The following MRC1 variants were observed in gnomAD, a reference collection of about 807,000 sequenced individuals.
MRC1 encodes the protein mannose receptor C-type 1, also known as macrophage mannose receptor 1.
A neutral mutation model predicts 102.9 loss-of-function variants in MRC1; 62 were observed. That is an observed-to-expected ratio of 0.60 (90% CI 0.49 to 0.74). MRC1 has a LOEUF of 0.74. Among genes scored for constraint, MRC1 ranks in the 30% least tolerant of loss-of-function variants. The probability of loss-of-function intolerance (pLI) is 0.00; values close to 1 mark genes in which losing one functional copy is unlikely to be tolerated. For synonymous variants in MRC1, 457 were observed against 298.4 expected (o/e 1.53, Z -5.48); for missense variants, 1,237 against 862.8 (o/e 1.43, Z -5.43).
chr10:17,834,764 A>G (rs1173226625), intron 4 of MRC1, among the ~76,000 whole-genome samples: 2 of 152,234 alleles, frequency 1.3e-5, no homozygotes, highest in African/African-American at 4.8e-5. Context: ...GAAGACTAAA[A>G]GGGCTAAAGT....
intron 25 of MRC1, among the ~76,000 whole-genome samples, chr10:17,901,745 G>A (rs1038209568): frequency 6.6e-4 from 100 of 152,162 alleles, no homozygotes; most frequent in African/African-American, 2.3e-3. Flanking sequence ...TTAACTATGA[G>A]TGTAACTGAC....
intron 28 of MRC1, among the ~76,000 whole-genome samples, chr10:17,908,769 A>T (rs1218594765): frequency 2.6e-5 from 4 of 151,962 alleles, no homozygotes; most frequent in African/African-American, 9.7e-5. Flanking sequence ...GGGTTTCACT[A>T]TGTTGGCCAG....
At chr10:17,898,524 A>G (rs1833785861) in intron 24 of MRC1, among the ~76,000 whole-genome samples, 1 of 152,248 alleles carries the variant, frequency 6.6e-6, no homozygotes, top group South Asian at 2.1e-4. Context: ...TTAGACTATG[A>G]AAATTATATT....
At chr10:17,810,027 T>A (rs1487772150) in intron 1 of MRC1, among the ~76,000 whole-genome samples, 1 of 150,920 alleles carries the variant, frequency 6.6e-6, no homozygotes, top group Admixed American at 6.6e-5. Flanking sequence ...TCCATACTCA[T>A]TTTTTTTTCT....
intron 21 of MRC1, among the ~76,000 whole-genome samples, chr10:17,884,426 C>A (rs1195219794): frequency 2.0e-5 from 3 of 151,958 alleles, no homozygotes; most frequent in African/African-American, 7.3e-5. Context: ...AATTTGATAG[C>A]TGTGTTAGTC....
At position 17,838,891 on chromosome 10, in the gene MRC1, C is replaced by T. The variant is rs925081138; in HGVS notation, c.803-1802C>T. ...TAGCATGTGGAATTGTTGCTTTGTG[C>T]AGCAATACTAAAATATTTTGGTCTG... On this transcript the variant is annotated intron_variant, in intron 4 of 29. Coordinates refer to ENST00000569591, the MANE Select transcript of MRC1 (RefSeq NM_002438.4). Among the ~76,000 whole-genome samples, 10 of 152,302 alleles carry T rather than the reference C, an allele frequency of 6.6e-5. 1 individual carries two copies. The East Asian group carries it at 1.3e-3, about 21-fold the overall frequency.
intron 3 of MRC1, among the ~76,000 whole-genome samples, chr10:17,831,131 T>G (rs1838565639): frequency 6.6e-6 from 1 of 150,486 alleles, no homozygotes. Flanking sequence ...CTCCTAACCT[T>G]GTGATCCGCC....
At chr10:17,889,065 C>G (rs1833639259) in intron 22 of MRC1, among the ~76,000 whole-genome samples, 1 of 152,118 alleles carries the variant, frequency 6.6e-6, no homozygotes, top group South Asian at 2.1e-4. Flanking sequence ...TCTGCTCTGT[C>G]TGAAATTAAT....
At chr10:17,864,827 C>CAA (rs34931364) in intron 11 of MRC1, among the ~76,000 whole-genome samples, 55 of 80,512 alleles carry the variant, frequency 6.8e-4, no homozygotes, top group East Asian at 2.5e-3. Context: ...AAAACTCCAT[C>CAA]AAAAAAAAAA....
chr10:17,826,237 C>G (rs1838472925), intron 2 of MRC1, among the ~76,000 whole-genome samples: 1 of 152,054 alleles, frequency 6.6e-6, no homozygotes, highest in Non-Finnish European at 1.5e-5. Flanking sequence ...GAGTCTCACT[C>G]TGTCACCCAG....
chr10:17,836,589 C>G (rs1180356790), intron 4 of MRC1, among the ~76,000 whole-genome samples: 1 of 152,130 alleles, frequency 6.6e-6, no homozygotes, highest in East Asian at 1.9e-4. Context: ...ATTCCCATCA[C>G]TTTGGGAGGC....
At chr10:17,866,043 G>A (rs1451003293) in intron 11 of MRC1, among the ~76,000 whole-genome samples, 2 of 152,172 alleles carry the variant, frequency 1.3e-5, no homozygotes, top group Non-Finnish European at 2.9e-5. Context: ...GTTCGTTAAA[G>A]CTGGCATTCC....
At chr10:17,876,966 C>A (rs1263637650) in intron 17 of MRC1, among the ~76,000 whole-genome samples, 4 of 151,846 alleles carry the variant, frequency 2.6e-5, no homozygotes, top group Admixed American at 1.3e-4. Context: ...AATAAAAATT[C>A]ATTTGATTTA....
Position 17,872,146 on chromosome 10 carries a change from C to T in MRC1, c.2344+20C>T. ...AAAAAGGTATGATCACCTCTTCTCT[C>T]CTTTATCTCAGCTTGGTAGACTAAC... is the stretch of plus-strand genomic sequence containing the variant. On this transcript the variant is annotated intron_variant, in intron 15 of 29. Coordinates refer to ENST00000569591, the MANE Select transcript of MRC1 (RefSeq NM_002438.4). 1 of 780,414 alleles carries T rather than the reference C, an allele frequency of 1.3e-6. No individual in the cohort carries two copies. Among genetic ancestry groups the T allele is most frequent in the South Asian group, 1.3e-5 (1 of 74,608 alleles). 48.3% of individuals were successfully genotyped at this position (780,414 alleles called of 1,614,324 possible).
chr10:17,894,312 G>A lies in MRC1; in HGVS notation c.3250G>A (p.Asp1084Asn), dbSNP rs1462420590. 16 of 872,036 alleles carry A rather than the reference G, an allele frequency of 1.8e-5. No individual in the cohort carries two copies. The highest frequency in any genetic ancestry group is 7.2e-5 in the East Asian group (3 of 41,702). The allele number at this position is 872,036 out of a possible 1,614,324, so 54.0% of individuals were successfully genotyped here. A position where few individuals can be genotyped will look rare whatever the true frequency, so the allele number is the denominator to read the frequency against. ...AGGCTACATATGCCAGACACGATCC[G>A]GTAAGTTCTACCAAACCTTACCTTC... The part of the protein sequence containing the change: ...KRGYICQTRS[D>N]PSLTNPPATI... Residue 1084 changes from aspartate (D) to asparagine (N), a missense_variant and splice_region_variant, in exon 23 of 30, where the codon GAC becomes AAC. Transcript: ENST00000569591.
intron 22 of MRC1, among the ~76,000 whole-genome samples, chr10:17,893,105 T>A (rs1160589687): frequency 6.6e-6 from 1 of 151,976 alleles, no homozygotes; most frequent in Non-Finnish European, 1.5e-5. Flanking sequence ...CCAGGTCTCT[T>A]GTCTTTATTT....
intron 1 of MRC1, among the ~76,000 whole-genome samples, chr10:17,818,067 T>C (rs1838339065): frequency 6.6e-6 from 1 of 152,118 alleles, no homozygotes. Context: ...AAAAGATAAA[T>C]AAAGGAAACA....
At chr10:17,894,129 ATT>A (rs1347883655) in intron 22 of MRC1, 79 bp from the exon 23 acceptor site, 1 of 843,398 alleles carries the variant, frequency 1.2e-6, no homozygotes, top group Non-Finnish European at 2.1e-6. Context: ...ATAATGAAAG[ATT>A]TTTTTGCTTA....
chr10:17,848,356 C>A (rs890161988), intron 6 of MRC1, among the ~76,000 whole-genome samples: 1 of 152,154 alleles, frequency 6.6e-6, no homozygotes, highest in Non-Finnish European at 1.5e-5. Context: ...AATTCTTTTT[C>A]TCTTCCAATA....
Sources: allele counts gnomAD v4.1 joint callset (sites outside exome capture counted in the v4.1 genomes callset), GRCh38; gene constraint gnomAD v4.1.1; transcripts MANE v1.5; gene names NCBI Gene and HGNC (gene_info 2026-07-23, HGNC 2026-07-21).